The following RIMKLB variants were observed in gnomAD, a reference collection of about 807,000 sequenced individuals.
The protein encoded by RIMKLB is beta-citrylglutamate synthase B.
In RIMKLB, 7 loss-of-function variants were observed where a neutral mutation model predicts 32.0. The ratio of observed to expected loss-of-function variants is 0.22; its 90% CI spans 0.12 to 0.41. The LOEUF is 0.41. RIMKLB is among the 10% of genes least tolerant of loss of function. The pLI is 1.00. For synonymous variants in RIMKLB, 172 were observed against 185.1 expected (o/e 0.93, Z 0.57); for missense variants, 289 against 498.7 (o/e 0.58, Z 4.00).
chr12:8,707,862 C>G (rs111675863), intron 1 of RIMKLB, among the ~76,000 whole-genome samples: 5,100 of 152,274 alleles, frequency 0.033, 295 homozygotes, highest in African/African-American at 0.12. Context: ...TCTCCACAAA[C>G]CTGATTCAAC....
chr12:8,694,387 A>AT (rs769859426), upstream of RIMKLB, among the ~76,000 whole-genome samples: 16,264 of 117,760 alleles, frequency 0.14, 2,099 homozygotes, highest in Non-Finnish European at 0.2. Context: ...ATCCTGTTGA[A>AT]TTTTTTTTCT....
upstream of RIMKLB, among the ~76,000 whole-genome samples, chr12:8,694,554 C>T (rs983966495): frequency 1.6e-4 from 25 of 151,908 alleles, no homozygotes; most frequent in African/African-American, 5.8e-4. Context: ...CCACCACGCC[C>T]GGCTAATTTT....
intron 2 of RIMKLB, among the ~76,000 whole-genome samples, chr12:8,721,077 T>C (rs1945398503): frequency 6.6e-6 from 1 of 152,232 alleles, no homozygotes; most frequent in African/African-American, 2.4e-5. Context: ...TGTCTGCCTT[T>C]TGAGAGTTTA....
At chr12:8,679,510 G>T, upstream of RIMKLB, 1 of 166,748 alleles carries the variant, frequency 6.0e-6, no homozygotes, top group Non-Finnish European at 1.3e-5. Context: ...TTTGAAATGT[G>T]CAGCAGATTC....
intron 1 of RIMKLB, among the ~76,000 whole-genome samples, chr12:8,711,159 A>T (rs1434083660): frequency 6.6e-6 from 1 of 151,876 alleles, no homozygotes; most frequent in Non-Finnish European, 1.5e-5. Context: ...GCTTGAACCC[A>T]GGAGACAGAA....
At chr12:8,703,923 G>A (rs762966706) in intron 1 of RIMKLB, among the ~76,000 whole-genome samples, 2 of 152,084 alleles carry the variant, frequency 1.3e-5, no homozygotes, top group African/African-American at 2.4e-5. Flanking sequence ...AGCTTTGATG[G>A]TTCTGATTTC....
chr12:8,684,297 C>G (rs545427181), intron 1 of RIMKLB, among the ~76,000 whole-genome samples: 2 of 151,584 alleles, frequency 1.3e-5, no homozygotes, highest in Admixed American at 6.6e-5. Flanking sequence ...CTCAGCCTCC[C>G]GAGTAACTGT....
At chr12:8,768,120 A>G (rs1214127362) in intron 5 of RIMKLB, among the ~76,000 whole-genome samples, 1 of 152,196 alleles carries the variant, frequency 6.6e-6, no homozygotes, top group African/African-American at 2.4e-5. Flanking sequence ...TAGCTCTATT[A>G]GAAGCCATGG....
At chr12:8,753,582 G>T (rs1191890446) in intron 4 of RIMKLB, among the ~76,000 whole-genome samples, 6 of 152,156 alleles carry the variant, frequency 3.9e-5, no homozygotes, top group Admixed American at 1.3e-4. Flanking sequence ...AGATTTGCTA[G>T]TGAATAAGGT....
chr12:8,692,150 GA>G (rs1216884457), intron 1 of RIMKLB, among the ~76,000 whole-genome samples: 5 of 152,226 alleles, frequency 3.3e-5, no homozygotes, highest in African/African-American at 9.6e-5. Context: ...CAAAGACAGG[GA>G]AATCAGGACT....
chr12:8,672,847 A>C, the RIMKLB span, among the ~76,000 whole-genome samples: 1 of 152,148 alleles, frequency 6.6e-6, no homozygotes, highest in African/African-American at 2.4e-5. Context: ...TTCTCACCAA[A>C]AGCAGATGCC....
intron 5 of RIMKLB, among the ~76,000 whole-genome samples, chr12:8,766,057 A>G (rs189391950): frequency 2.6e-5 from 4 of 152,018 alleles, no homozygotes; most frequent in Admixed American, 6.5e-5. Flanking sequence ...ATTGGTCCCA[A>G]TTCTCCAAAG....
At chr12:8,779,547 A>G (rs1015456122), downstream of RIMKLB, 1 of 152,232 alleles carries the variant, frequency 6.6e-6, no homozygotes, top group Non-Finnish European at 1.5e-5. Context: ...AAGCAATGTC[A>G]CTTCAGTGCC....
At chr12:8,680,193 A>T (rs896497136), upstream of RIMKLB, among the ~76,000 whole-genome samples, 7 of 152,122 alleles carry the variant, frequency 4.6e-5, no homozygotes, top group Non-Finnish European at 8.8e-5. Flanking sequence ...TCTCACTCTG[A>T]TGCCCACGCT....
intron 1 of RIMKLB, chr12:8,700,010 C>T (rs1341609759): frequency 6.6e-6 from 1 of 152,198 alleles, no homozygotes; most frequent in Admixed American, 6.5e-5. Flanking sequence ...GGATAGCTTT[C>T]TTATTTTGCC....
At position 8,775,052 on chromosome 12, in the gene RIMKLB, C is replaced by T; in HGVS notation, c.*1268C>T. The T allele has an allele frequency of 3.0e-6, 3 of 985,706 alleles. No homozygotes were observed. Among genetic ancestry groups the T allele is most frequent in the Non-Finnish European group, 3.6e-6 (3 of 829,846 alleles). The allele number at this position is 985,706 out of a possible 1,614,324, so 61.1% of individuals were successfully genotyped here. ...TGGGGTAGAGGTATTCACCTTAAAA[C>T]ATAGGGTGAGTAGATGCTTTTTTAG... On this transcript the variant is annotated 3_prime_UTR_variant, in exon 6 of 6. Coordinates refer to ENST00000535829, the MANE Select transcript of RIMKLB (RefSeq NM_001297776.2).
upstream of RIMKLB, chr12:8,678,646 A>C (rs1332419569): frequency 6.6e-6 from 1 of 152,216 alleles, no homozygotes; most frequent in Non-Finnish European, 1.5e-5. Flanking sequence ...TATGTCTAAG[A>C]CATTGGCAAA....
At chr12:8,736,561 G>T (rs1222318163) in intron 2 of RIMKLB, among the ~76,000 whole-genome samples, 1 of 147,744 alleles carries the variant, frequency 6.8e-6, no homozygotes, top group African/African-American at 2.6e-5. Flanking sequence ...TGTCTCCCAG[G>T]CTGGAGTGCA....
chr12:8,737,171 G>A (rs1415293926), intron 2 of RIMKLB, among the ~76,000 whole-genome samples: 1 of 151,554 alleles, frequency 6.6e-6, no homozygotes, highest in Non-Finnish European at 1.5e-5. Context: ...TATCATTTTA[G>A]CATTTTTTTC....
Sources: gnomAD v4.1 joint callset for allele counts (sites outside exome capture counted in the v4.1 genomes callset) on GRCh38, gnomAD v4.1.1 for gene constraint, MANE v1.5 for transcripts, NCBI Gene and HGNC (gene_info 2026-07-23, HGNC 2026-07-21) for gene names.